SANBR: variants seen among roughly 807,000 people sequenced by gnomAD.
SANBR encodes SANT and BTB domain regulator of class switch recombination.
A neutral mutation model predicts 101.8 loss-of-function variants in SANBR; 77 were observed. The ratio of observed to expected loss-of-function variants is 0.76; its 90% CI spans 0.63 to 0.91. The LOEUF (loss-of-function observed/expected upper bound fraction) is 0.91, where lower values mean the gene tolerates loss of function less well. SANBR is among the 40% of genes least tolerant of loss of function. The probability of loss-of-function intolerance (pLI) is 0.00; values close to 1 mark genes in which losing one functional copy is unlikely to be tolerated. For missense variants in SANBR, 875 were observed against 853.0 expected (o/e 1.03, Z -0.32); for synonymous variants, 279 against 274.7 (o/e 1.02, Z -0.15).
intron 13 of SANBR, among the ~76,000 whole-genome samples, chr2:61,104,477 A>G (rs1302843402): frequency 1.1e-5 from 1 of 92,506 alleles, no homozygotes; most frequent in African/African-American, 8.1e-5. Context: ...GCAAAAAAAA[A>G]AGAGCAAAAA....
downstream of SANBR, among the ~76,000 whole-genome samples, chr2:61,128,039 G>A (rs1436272720): frequency 6.6e-6 from 1 of 151,864 alleles, no homozygotes; most frequent in African/African-American, 2.4e-5. Flanking sequence ...TTGGGAGGCT[G>A]AGGTGGGCGG....
At chr2:61,128,412 T>C (rs2104986085), downstream of SANBR, among the ~76,000 whole-genome samples, 1 of 152,284 alleles carries the variant, frequency 6.6e-6, no homozygotes, top group South Asian at 2.1e-4. Flanking sequence ...CCAGGCACTT[T>C]GCGAGGCCAG....
chr2:61,076,360 G>A (rs1681775221), intron 5 of SANBR, among the ~76,000 whole-genome samples: 1 of 147,900 alleles, frequency 6.8e-6, no homozygotes, highest in East Asian at 2.1e-4. Flanking sequence ...GCTCACGCCT[G>A]TAATCCCAGC....
In SANBR at chr2:61,079,761, C is replaced by T. The variant is rs143834921; in HGVS notation, c.671-1691C>T. On this transcript the variant is annotated intron_variant, in intron 6 of 21. Coordinates refer to ENST00000402291, the MANE Select transcript of SANBR (RefSeq NM_001129993.3). ...CTATTAAAAATTCAAAAAAAATTAG[C>T]CTGGTGGCGTGTGCCTGTAGTCCCA... 9.9e-5 allele frequency among the ~76,000 whole-genome samples: 15 copies of T among 152,048 alleles called. No individual in the cohort carries two copies. In the East Asian group the frequency reaches 2.9e-3, roughly 29 times the overall value.
At chr2:61,104,851 T>C (rs569319143) in intron 13 of SANBR, among the ~76,000 whole-genome samples, 25 of 150,734 alleles carry the variant, frequency 1.7e-4, no homozygotes, top group African/African-American at 6.1e-4. Flanking sequence ...GGCGGATCAC[T>C]TGAGGTCAGG....
At chr2:61,100,093 T>C (rs1378622886) in intron 12 of SANBR, among the ~76,000 whole-genome samples, 1 of 152,068 alleles carries the variant, frequency 6.6e-6, no homozygotes, top group Non-Finnish European at 1.5e-5. Flanking sequence ...AATATTTGTT[T>C]AGTGTTTTGG....
At chr2:61,088,815 A>C in intron 10 of SANBR, 1 of 971,492 alleles carries the variant, frequency 1.0e-6, no homozygotes, top group Non-Finnish European at 1.2e-6. Flanking sequence ...CACCGCTCCC[A>C]GCCCAGATTT....
At chr2:61,084,934 G>A (rs1682343705) in intron 8 of SANBR, among the ~76,000 whole-genome samples, 1 of 152,106 alleles carries the variant, frequency 6.6e-6, no homozygotes, top group Admixed American at 6.6e-5. Flanking sequence ...GAGGATTCCA[G>A]GATAATTATT....
At chr2:61,088,065 A>T in intron 8 of SANBR, 94 bp from the exon 9 acceptor site, 1 of 630,526 alleles carries the variant, frequency 1.6e-6, no homozygotes, top group Non-Finnish European at 2.7e-6. Context: ...AGGATTTATT[A>T]ATCTTATTTT....
intron 13 of SANBR, 76 bp downstream of exon 13, chr2:61,104,074 A>C: frequency 7.7e-7 from 1 of 1,301,030 alleles, no homozygotes; most frequent in Non-Finnish European, 1.1e-6. Context: ...TTATCCCCAA[A>C]TCAGCAACGT....
intron 6 of SANBR, 49 bp downstream of exon 6, chr2:61,077,207 T>C: frequency 2.2e-6 from 3 of 1,344,118 alleles, no homozygotes; most frequent in Non-Finnish European, 2.1e-6. Flanking sequence ...GTGTGTCACC[T>C]GGTAGTTTCT....
chr2:61,074,238 C>T (rs1170015405), intron 5 of SANBR, among the ~76,000 whole-genome samples: 1 of 152,112 alleles, frequency 6.6e-6, no homozygotes, highest in Non-Finnish European at 1.5e-5. Flanking sequence ...TTTGAAAAAG[C>T]TCTGGAGGTT....
chr2:61,081,771 C>G lies in SANBR; in HGVS notation c.729+261C>G, dbSNP rs187505392. 3.9e-5 allele frequency among the ~76,000 whole-genome samples: 6 copies of G among 152,248 alleles called. No homozygotes were observed. In the East Asian group the frequency reaches 1.2e-3, roughly 29 times the overall value. ...TCAAGTGATCCTCCCACCTCAGCCT[C>G]CCGAGTAGCTGGGACTACAGGCGCA... On this transcript the variant is annotated intron_variant, in intron 7 of 21. Transcript: ENST00000402291.
At chr2:61,079,858 C>A (rs1682001522) in intron 6 of SANBR, among the ~76,000 whole-genome samples, 1 of 151,472 alleles carries the variant, frequency 6.6e-6, no homozygotes, top group Non-Finnish European at 1.5e-5. Context: ...AGAGATTGCG[C>A]CACTGCACTC....
chr2:61,122,248 G>T lies in SANBR; in HGVS notation c.*86G>T. 6.9e-7 allele frequency: 1 copy of T among 1,458,996 alleles called. No homozygotes were observed. The highest frequency in any genetic ancestry group is 1.5e-5 in the South Asian group (1 of 67,358). 90.4% of individuals were successfully genotyped at this position (1,458,996 alleles called of 1,614,324 possible). A position where few individuals can be genotyped will look rare whatever the true frequency, so the allele number is the denominator to read the frequency against. On this transcript the variant is annotated 3_prime_UTR_variant, in exon 22 of 22. Transcript: ENST00000402291. ...ACTTCTTGAAGATCTTCAGAACAAT[G>T]ACTTCCAACTGTTTTATGTTATTAT... is the stretch of plus-strand genomic sequence containing the variant.
chr2:61,120,788 A>T (rs1211433354), intron 20 of SANBR, among the ~76,000 whole-genome samples: 1 of 152,226 alleles, frequency 6.6e-6, no homozygotes. Flanking sequence ...TATGTGAAAG[A>T]AGCTAGATTC....
At chr2:61,078,455 C>G (rs937476016) in intron 6 of SANBR, among the ~76,000 whole-genome samples, 1 of 151,966 alleles carries the variant, frequency 6.6e-6, no homozygotes, top group Admixed American at 6.5e-5. Context: ...AGAGTCCTCT[C>G]TTGTCACCCA....
chr2:61,106,738 C>A, intron 14 of SANBR, 76 bp downstream of exon 14: 1 of 907,262 alleles, frequency 1.1e-6, no homozygotes, highest in Non-Finnish European at 1.7e-6. Context: ...GGAACCTGAT[C>A]AGTTTAAGTT....
chr2:61,084,599 A>G (rs2104881361), intron 8 of SANBR, among the ~76,000 whole-genome samples: 1 of 152,268 alleles, frequency 6.6e-6, no homozygotes, highest in Non-Finnish European at 1.5e-5. Context: ...AGATAAAGGG[A>G]AAAGTGGTAT....
Sources: allele counts gnomAD v4.1 joint callset (sites outside exome capture counted in the v4.1 genomes callset), GRCh38; gene constraint gnomAD v4.1.1; transcripts MANE v1.5; gene names NCBI Gene and HGNC (gene_info 2026-07-23, HGNC 2026-07-21).